Variants in HPSE2 observed in about 807,000 individuals in gnomAD.
HPSE2 encodes inactive heparanase-2.
In HPSE2, 38 loss-of-function variants were observed where a neutral mutation model predicts 60.5. The ratio of observed to expected loss-of-function variants is 0.63; its 90% confidence interval spans 0.48 to 0.82. HPSE2 has a LOEUF of 0.82. HPSE2 is among the 40% of genes least tolerant of loss of function. The pLI is 0.00. For missense variants in HPSE2, 713 were observed against 740.4 expected (o/e 0.96, Z 0.43); for synonymous variants, 295 against 293.2 (o/e 1.01, Z -0.06).
chr10:98,625,873 T>C (rs546733895), intron 7 of HPSE2, among the ~76,000 whole-genome samples: 1 of 152,112 alleles, frequency 6.6e-6, no homozygotes, highest in African/African-American at 2.4e-5. Context: ...GAGGCCGAGG[T>C]GGGCGGATCT....
chr10:99,299,346 A>T, the HPSE2 span, among the ~76,000 whole-genome samples: 16 of 152,192 alleles, frequency 1.1e-4, no homozygotes, highest in Non-Finnish European at 1.5e-5. Context: ...GAGGCAGCTG[A>T]TGGAGACGGA....
At chr10:98,607,143 T>C (rs910129188) in intron 9 of HPSE2, among the ~76,000 whole-genome samples, 1 of 149,614 alleles carries the variant, frequency 6.7e-6, no homozygotes, top group African/African-American at 2.4e-5. Context: ...GATAATTGTT[T>C]AGTGTTTTCA....
At chr10:98,967,112 GT>G (rs950077803) in intron 3 of HPSE2, among the ~76,000 whole-genome samples, 3 of 152,106 alleles carry the variant, frequency 2.0e-5, no homozygotes, top group African/African-American at 4.8e-5. Context: ...ACTCCAAACG[GT>G]TTTTTTCCGA....
the HPSE2 span, among the ~76,000 whole-genome samples, chr10:99,290,132 A>AT: frequency 1.3e-5 from 2 of 152,058 alleles, no homozygotes; most frequent in African/African-American, 2.4e-5. Context: ...GATTAAAATT[A>AT]TTTTTTTTAA....
chr10:98,778,349 C>T (rs551383782), intron 3 of HPSE2, among the ~76,000 whole-genome samples: 2 of 146,828 alleles, frequency 1.4e-5, no homozygotes, highest in African/African-American at 5.0e-5. Context: ...AGGGTATTAC[C>T]CAACTAGGTT....
chr10:98,633,552 T>C (rs1946420586), intron 7 of HPSE2, among the ~76,000 whole-genome samples: 1 of 152,222 alleles, frequency 6.6e-6, no homozygotes, highest in African/African-American at 2.4e-5. Context: ...TCTAGCTTAC[T>C]TTATTATAAA....
intron 2 of HPSE2, among the ~76,000 whole-genome samples, chr10:99,159,626 C>A (rs1028804530): frequency 1.3e-5 from 2 of 152,030 alleles, no homozygotes; most frequent in Non-Finnish European, 2.9e-5. Flanking sequence ...AGAATTTAGA[C>A]CCTTACCTTA....
At chr10:99,100,584 G>A (rs1485891500) in intron 3 of HPSE2, among the ~76,000 whole-genome samples, 1 of 152,180 alleles carries the variant, frequency 6.6e-6, no homozygotes, top group African/African-American at 2.4e-5. Flanking sequence ...TATTAGCCAG[G>A]AGAACTTTCC....
the HPSE2 span, among the ~76,000 whole-genome samples, chr10:99,313,316 G>A: frequency 2.0e-5 from 3 of 152,148 alleles, no homozygotes; most frequent in Non-Finnish European, 4.4e-5. Flanking sequence ...CCAAAATTCA[G>A]TGGAGGTTCC....
the HPSE2 span, among the ~76,000 whole-genome samples, chr10:99,275,634 G>A: frequency 6.6e-6 from 1 of 151,978 alleles, no homozygotes; most frequent in African/African-American, 2.4e-5. Flanking sequence ...CCCATTTTAC[G>A]GCATTCTTCT....
chr10:98,776,193 G>A (rs1950335592), intron 3 of HPSE2, among the ~76,000 whole-genome samples: 1 of 151,906 alleles, frequency 6.6e-6, no homozygotes. Context: ...AGCACTCTGG[G>A]AGGCTGAGGC....
At chr10:98,835,695 T>C (rs1951775270) in intron 3 of HPSE2, among the ~76,000 whole-genome samples, 1 of 152,242 alleles carries the variant, frequency 6.6e-6, no homozygotes, top group Non-Finnish European at 1.5e-5. Context: ...TTAACCATTA[T>C]ACAATATTAT....
At chr10:98,533,350 G>A (rs764719572) in intron 9 of HPSE2, among the ~76,000 whole-genome samples, 4 of 152,220 alleles carry the variant, frequency 2.6e-5, no homozygotes, top group Non-Finnish European at 5.9e-5. Flanking sequence ...ACAGTTTGAA[G>A]ATAGAATAAT....
chr10:99,179,322 G>A (rs1007775832), intron 2 of HPSE2, among the ~76,000 whole-genome samples: 1 of 152,206 alleles, frequency 6.6e-6, no homozygotes, highest in African/African-American at 2.4e-5. Context: ...AAAAGAGGAA[G>A]TCAAATTGTC....
chr10:99,173,362 G>A (rs1485283656), intron 2 of HPSE2, among the ~76,000 whole-genome samples: 2 of 152,266 alleles, frequency 1.3e-5, no homozygotes, highest in East Asian at 1.9e-4. Context: ...AGTAGGAATA[G>A]CTATACCTAG....
chr10:98,631,767 A>G (rs1277279260), intron 7 of HPSE2, among the ~76,000 whole-genome samples: 3 of 152,218 alleles, frequency 2.0e-5, no homozygotes, highest in Non-Finnish European at 4.4e-5. Context: ...CATATGAAAC[A>G]TATGAATGGA....
At position 98,871,368 on chromosome 10, in the gene HPSE2, G is replaced by C. The variant is rs141369771; in HGVS notation, c.611-127312C>G. On this transcript the variant is annotated intron_variant, in intron 3 of 11. Transcript: ENST00000370552. ...GTCCTTACCCTCTCATAGGGAGCAA[G>C]ACAGAACCAGATGCTTTTCTTTCAT... 2.5e-3 allele frequency among the ~76,000 whole-genome samples: 384 copies of C among 152,078 alleles called. 3 individuals are homozygous for C. The highest frequency in any genetic ancestry group is 8.8e-3 in the African/African-American group (365 of 41,508).
chr10:98,851,611 C>A (rs1226097911), intron 3 of HPSE2, among the ~76,000 whole-genome samples: 3 of 152,180 alleles, frequency 2.0e-5, no homozygotes, highest in South Asian at 2.1e-4. Context: ...TCCCAGATTC[C>A]TCTGCATTTT....
intron 4 of HPSE2, among the ~76,000 whole-genome samples, chr10:98,730,228 T>C (rs956959003): frequency 2.0e-5 from 3 of 151,790 alleles, no homozygotes; most frequent in African/African-American, 7.3e-5. Flanking sequence ...TAACAAATAA[T>C]CCATTGATCA....
Sources: gnomAD v4.1 joint callset for allele counts (sites outside exome capture counted in the v4.1 genomes callset) on GRCh38, gnomAD v4.1.1 for gene constraint, MANE v1.5 for transcripts, NCBI Gene and HGNC (gene_info 2026-07-23, HGNC 2026-07-21) for gene names.